The following ERN1 variants were observed in gnomAD, a reference collection of about 807,000 sequenced individuals.
ERN1 encodes the protein serine/threonine-protein kinase/endoribonuclease IRE1.
In ERN1, 39 loss-of-function variants were observed where a neutral mutation model predicts 113.1. The observed-to-expected ratio is 0.34, with a 90% CI of 0.27 to 0.45. ERN1 has a LOEUF of 0.45. ERN1 is among the 20% of genes least tolerant of loss of function. The pLI is 1.00. For synonymous variants in ERN1, 507 were observed against 515.9 expected (o/e 0.98, Z 0.23); for missense variants, 976 against 1,274.8 (o/e 0.77, Z 3.57).
At chr17:64,058,803 C>T (rs989962575) in intron 11 of ERN1, among the ~76,000 whole-genome samples, 10 of 152,104 alleles carry the variant, frequency 6.6e-5, no homozygotes, top group African/African-American at 2.4e-4. Flanking sequence ...TTTCACCCCT[C>T]CCCCCAGATG....
intron 12 of ERN1, among the ~76,000 whole-genome samples, chr17:64,056,715 A>G (rs1465098308): frequency 6.6e-6 from 1 of 152,192 alleles, no homozygotes; most frequent in Non-Finnish European, 1.5e-5. Context: ...TCTCTCCACC[A>G]TGGGGTGGAG....
intron 8 of ERN1, among the ~76,000 whole-genome samples, 176 bp downstream of exon 8, chr17:64,066,495 G>A (rs1460417824): frequency 1.3e-5 from 2 of 152,168 alleles, no homozygotes; most frequent in Admixed American, 1.3e-4. Flanking sequence ...GTTAATGGGT[G>A]CCCCTCAGCT....
intron 1 of ERN1, among the ~76,000 whole-genome samples, chr17:64,126,043 GAA>G (rs1915072409): frequency 6.6e-6 from 1 of 151,946 alleles, no homozygotes. Flanking sequence ...AGGGAAGTTT[GAA>G]ACCAAACATG....
At position 64,057,080 on chromosome 17, in the gene ERN1, C is replaced by T. The variant is rs1386047454; in HGVS notation, c.1398+722G>A. 3.3e-5 allele frequency among the ~76,000 whole-genome samples: 5 copies of T among 152,202 alleles called. No homozygotes were observed. The East Asian group carries it at 9.6e-4, about 29-fold the overall frequency. On this transcript the variant is annotated intron_variant, in intron 12 of 21. Transcript: ENST00000433197. The stretch of plus-strand genomic sequence containing the variant: ...GGAAGTAAAGGGATGGCCACACTGC[C>T]TTTTTCACACAAGCTGATCTCACAG...
chr17:64,114,957 C>T (rs1914766068), intron 1 of ERN1, among the ~76,000 whole-genome samples: 1 of 152,064 alleles, frequency 6.6e-6, no homozygotes, highest in African/African-American at 2.4e-5. Context: ...TTTCTTGCTT[C>T]CTAAGACTCC....
rs1912275471 is a variant in ERN1, at chr17:64,039,516, T to C, written c.*4472A>G. 1 of 152,178 alleles carries C rather than the reference T, an allele frequency of 6.6e-6. No individual in the cohort carries two copies. Among genetic ancestry groups the C allele is most frequent in the Non-Finnish European group, 1.5e-5 (1 of 68,024 alleles). 9.4% of individuals were successfully genotyped at this position (152,178 alleles called of 1,614,324 possible). On this transcript the variant is annotated 3_prime_UTR_variant, in exon 22 of 22. Coordinates refer to ENST00000433197, the MANE Select transcript of ERN1 (RefSeq NM_001433.5). ...AGACTACTGTAAAGCATCCATCCCA[T>C]GGAAGGATACAGTATCACTTTTCCA... is the stretch of plus-strand genomic sequence containing the variant.
At chr17:64,123,594 A>G (rs1915004823) in intron 1 of ERN1, among the ~76,000 whole-genome samples, 1 of 152,184 alleles carries the variant, frequency 6.6e-6, no homozygotes, top group Non-Finnish European at 1.5e-5. Context: ...TTTTTAAAAC[A>G]CTCAACATTG....
rs1262225320 is a variant in ERN1, at chr17:64,049,078, T to C, written c.2378A>G (p.Asp793Gly). Residue 793 changes from aspartate (D) to glycine (G), a missense_variant, in exon 18 of 22, where the codon GAC (aspartate) becomes GGC (glycine). By Grantham distance (94) the Asp-to-Gly change is moderately conservative. Transcript: ENST00000433197. This position sits in a 1 kb window ranked among gnomAD's most constrained non-coding sequence, Gnocchi z 4.7. ...ANILLGACSL[D>G]CLHPEKHEDV... ...ACCGTGCTTCTCTGGGTGCAAGCAG[T>C]CAAGGCTGCAGGCACCCAGGAGGAT... The C allele has an allele frequency of 6.2e-7, 1 of 1,601,902 alleles. No homozygotes were observed. Among genetic ancestry groups the C allele is most frequent in the South Asian group, 1.1e-5 (1 of 90,488 alleles).
chr17:64,047,500 T>G (rs1036495643), intron 19 of ERN1, among the ~76,000 whole-genome samples: 4 of 152,084 alleles, frequency 2.6e-5, no homozygotes, highest in Admixed American at 2.0e-4. Flanking sequence ...AATAAAGGAG[T>G]GCTCATTATA....
intron 2 of ERN1, among the ~76,000 whole-genome samples, chr17:64,082,214 C>T (rs749009008): frequency 3.9e-5 from 6 of 152,298 alleles, no homozygotes; most frequent in South Asian, 2.1e-4. Context: ...ACACCATATG[C>T]GGTCTGTGGG....
intron 1 of ERN1, among the ~76,000 whole-genome samples, chr17:64,107,092 C>T (rs1914549688): frequency 1.3e-5 from 2 of 152,038 alleles, no homozygotes; most frequent in Admixed American, 1.3e-4. Flanking sequence ...AGGAGACTGT[C>T]CGATCATGGC....
In ERN1 at chr17:64,063,680, G is replaced by A. The variant is rs1037664172; in HGVS notation, c.1087+306C>T. 6.6e-6 allele frequency among the ~76,000 whole-genome samples: 1 copy of A among 152,180 alleles called. No homozygotes were observed. The highest frequency in any genetic ancestry group is 6.5e-5 in the Admixed American group (1 of 15,278). ...GACAAGGGTACCTACCTCACACAGGGTTGCTGTGAGGAGTGAGGAAATGCA... is the reference window on the plus strand; with the variant it reads ...GACAAGGGTACCTACCTCACACAGGATTGCTGTGAGGAGTGAGGAAATGCA... On this transcript the variant is annotated intron_variant, in intron 10 of 21. Transcript: ENST00000433197. This position sits in a 1 kb window ranked among gnomAD's most constrained non-coding sequence, Gnocchi z 5.1.
At chr17:64,050,104 T>C (rs531120235) in intron 17 of ERN1, among the ~76,000 whole-genome samples, 2 of 152,200 alleles carry the variant, frequency 1.3e-5, no homozygotes, top group Non-Finnish European at 2.9e-5. Flanking sequence ...AAAGGTTGCA[T>C]GACAAGCTCA....
intron 4 of ERN1, among the ~76,000 whole-genome samples, chr17:64,078,366 A>G (rs1913662847): frequency 6.6e-6 from 1 of 152,172 alleles, no homozygotes; most frequent in Non-Finnish European, 1.5e-5. Context: ...TTAACGTACC[A>G]TAGGATTTCT....
rs762779365 is a variant in ERN1, at chr17:64,049,070, G to A, written c.2386C>T (p.His796Tyr). ...GACCGCTCACCGTGCTTCTCTGGGT[G>A]CAAGCAGTCAAGGCTGCAGGCACCC... ...LLGACSLDCLHPEKHEDVIAR... is the reference protein window; with the variant it reads ...LLGACSLDCLYPEKHEDVIAR... The change falls in exon 18 of 22, where the codon CAC becomes TAC. Residue 796 changes from histidine (H) to tyrosine (Y), a missense_variant. Physicochemically the swap from His to Tyr is moderately conservative, Grantham distance 83 (BLOSUM62 2). This residue lies in a region of ERN1 where 297 missense variants were observed against 457.8 expected (regional missense o/e 0.65). Transcript: ENST00000433197. The surrounding 1 kb of genome is among the most constrained non-coding windows in gnomAD (Gnocchi z 4.7). 3 of 1,597,118 alleles carry A rather than the reference G, an allele frequency of 1.9e-6. No homozygotes were observed. The highest frequency in any genetic ancestry group is 3.4e-5 in the Admixed American group (2 of 59,512).
At chr17:64,053,642 G>A (rs1343722057) in intron 15 of ERN1, among the ~76,000 whole-genome samples, 1 of 152,156 alleles carries the variant, frequency 6.6e-6, no homozygotes, top group Non-Finnish European at 1.5e-5. Context: ...AAGTGAGCCT[G>A]GAAAATGAGC....
rs980017919 is a variant in ERN1, at chr17:64,045,419, C to T, written c.2593G>A (p.Gly865Ser). 4 of 1,613,876 alleles carry T rather than the reference C, an allele frequency of 2.5e-6. No individual in the cohort carries two copies. The African/African-American group carries it at 4.0e-5, about 16-fold the overall frequency. ...TCCATCTTCACCACGGCTCTCCCGC[C>T]TCTCTCTAACTGCTTCACGATCGGG... ...DGPIVKQLER[G>S]GRAVVKMDWR... Residue 865 changes from glycine (G) to serine (S), a missense_variant, in exon 20 of 22, where the codon GGC becomes AGC. Coordinates refer to ENST00000433197, the MANE Select transcript of ERN1 (RefSeq NM_001433.5).
intron 2 of ERN1, among the ~76,000 whole-genome samples, chr17:64,093,826 C>T (rs531309871): frequency 7.9e-5 from 12 of 152,338 alleles, no homozygotes; most frequent in African/African-American, 2.2e-4. Flanking sequence ...GTTCCTCCAA[C>T]GGCTGAGGAA....
chr17:64,046,248 A>G (rs1912509969), intron 19 of ERN1, among the ~76,000 whole-genome samples: 1 of 152,242 alleles, frequency 6.6e-6, no homozygotes, highest in African/African-American at 2.4e-5. Flanking sequence ...TACAATTGTC[A>G]GAGAGAAGCT....
Sources: allele counts gnomAD v4.1 joint callset (sites outside exome capture counted in the v4.1 genomes callset), GRCh38; gene constraint gnomAD v4.1.1; regional missense constraint gnomAD v4.1.1; non-coding constraint Gnocchi (gnomAD v3.1); transcripts MANE v1.5; gene names NCBI Gene and HGNC (gene_info 2026-07-23, HGNC 2026-07-21).